CDH2: variants seen among roughly 807,000 people sequenced by gnomAD.
CDH2 encodes cadherin 2, also known as cadherin-2.
CDH2 carries 17 observed loss-of-function variants against 92.0 expected under a neutral mutation model. The ratio of observed to expected loss-of-function variants is 0.18; its 90% CI spans 0.13 to 0.28. CDH2 has a LOEUF of 0.28. Among genes scored for constraint, CDH2 ranks in the 10% least tolerant of loss-of-function variants. The pLI, the probability that CDH2 is intolerant of heterozygous loss-of-function variation, is 1.00. For synonymous variants in CDH2, 419 were observed against 415.9 expected (o/e 1.01, Z -0.09); for missense variants, 862 against 1,133.1 (o/e 0.76, Z 3.44).
At chr18:28,036,566 T>TC in intron 2 of CDH2, 4 of 1,568,806 alleles carry the variant, frequency 2.5e-6, no homozygotes, top group Non-Finnish European at 3.5e-6. Context: ...AGTTTCCATT[T>TC]CCCATAATTC....
At chr18:28,161,808 C>T (rs2016310576) in intron 1 of CDH2, among the ~76,000 whole-genome samples, 1 of 152,118 alleles carries the variant, frequency 6.6e-6, no homozygotes. Context: ...GGGAGCTGCA[C>T]TAGTAATAAC....
chr18:28,043,890 ATTTTTTTTT>A (rs67532914), intron 2 of CDH2, among the ~76,000 whole-genome samples: 7 of 91,452 alleles, frequency 7.7e-5, no homozygotes, highest in African/African-American at 1.6e-4. Flanking sequence ...AGAATCTCGG[ATTTTTTTTT>A]TTTTTTTTTT....
intron 14 of CDH2, among the ~76,000 whole-genome samples, chr18:27,979,197 A>T (rs1014563152): frequency 2.0e-5 from 3 of 152,196 alleles, no homozygotes; most frequent in Non-Finnish European, 4.4e-5. Flanking sequence ...AGAAAAGTAG[A>T]CAAACAGGCT....
At chr18:28,024,642 AT>A (rs2013501565) in intron 2 of CDH2, among the ~76,000 whole-genome samples, 1 of 151,680 alleles carries the variant, frequency 6.6e-6, no homozygotes, top group African/African-American at 2.4e-5. Flanking sequence ...ACCAAAATAT[AT>A]TTTGAAAACC....
chr18:28,019,820 C>A (rs569984228), intron 2 of CDH2, among the ~76,000 whole-genome samples: 3 of 152,178 alleles, frequency 2.0e-5, no homozygotes, highest in African/African-American at 7.2e-5. Flanking sequence ...ATTATTCAGG[C>A]TCTATGGAAT....
At chr18:28,005,394 G>C (rs553736660) in intron 6 of CDH2, among the ~76,000 whole-genome samples, 9 of 152,226 alleles carry the variant, frequency 5.9e-5, no homozygotes, top group African/African-American at 2.2e-4. Context: ...CCATGCTTTC[G>C]CTATGACTTC....
intron 2 of CDH2, among the ~76,000 whole-genome samples, chr18:28,094,666 C>T (rs17536118): frequency 0.015 from 2,178 of 149,588 alleles, 51 homozygotes; most frequent in African/African-American, 0.051. Flanking sequence ...TGGTGGCGGG[C>T]GCCTGTAGTC....
At chr18:28,037,894 C>T (rs1218894401) in intron 2 of CDH2, among the ~76,000 whole-genome samples, 1 of 151,950 alleles carries the variant, frequency 6.6e-6, no homozygotes, top group Non-Finnish European at 1.5e-5. Flanking sequence ...GAACAGGAAT[C>T]TCAAAAGAAG....
At chr18:28,117,527 G>A (rs1390418305) in intron 2 of CDH2, among the ~76,000 whole-genome samples, 1 of 152,046 alleles carries the variant, frequency 6.6e-6, no homozygotes, top group Non-Finnish European at 1.5e-5. Flanking sequence ...CCAGAGCCTA[G>A]GATCACTAGG....
Position 27,963,420 on chromosome 18 carries a change from C to A in CDH2, c.2451G>T (p.Glu817Asp). 1 of 1,614,068 alleles carries A rather than the reference C, an allele frequency of 6.2e-7. No individual in the cohort carries two copies. The highest frequency in any genetic ancestry group is 8.5e-7 in the Non-Finnish European group (1 of 1,180,026). The change falls in exon 15 of 16, where the codon GAG becomes GAT. Residue 817 changes from glutamate to aspartate, a missense_variant. Around this residue, in one of 5 missense-constraint regions of CDH2, gnomAD observed 114 missense variants for 144.8 expected, o/e 0.79. Coordinates refer to ENST00000269141, the MANE Select transcript of CDH2 (RefSeq NM_001792.5). ...CTGCAGATCGGACCGGATACTGGGG[C>A]TCGGCGTGGATGGGTCTTTCATCCA... ...RRMDERPIHA[E>D]PQYPVRSAAP...
chr18:27,976,669 A>G (rs2011841698), intron 14 of CDH2, among the ~76,000 whole-genome samples: 1 of 152,352 alleles, frequency 6.6e-6, no homozygotes, highest in East Asian at 1.9e-4. Flanking sequence ...GTATATTTCA[A>G]TAACGAAATA....
chr18:28,013,965 A>G, intron 2 of CDH2, 56 bp from the exon 3 acceptor site: 1 of 1,276,488 alleles, frequency 7.8e-7, no homozygotes. Flanking sequence ...AGGCAAAAAA[A>G]AACCCCTAAT....
At chr18:28,157,840 C>T (rs1008115980) in intron 1 of CDH2, among the ~76,000 whole-genome samples, 1 of 152,026 alleles carries the variant, frequency 6.6e-6, no homozygotes, top group Non-Finnish European at 1.5e-5. Flanking sequence ...TGTTTTAAGT[C>T]CTCCAAATCA....
intron 2 of CDH2, among the ~76,000 whole-genome samples, chr18:28,118,051 T>C (rs2015524919): frequency 6.6e-6 from 1 of 151,702 alleles, no homozygotes; most frequent in African/African-American, 2.4e-5. Flanking sequence ...TTATCTACCC[T>C]CCCATCAAGT....
chr18:28,041,738 G>GA (rs756903844), intron 2 of CDH2, among the ~76,000 whole-genome samples: 1 of 152,150 alleles, frequency 6.6e-6, no homozygotes. Context: ...ATTCTTAGAG[G>GA]ACTTATGTTC....
intron 7 of CDH2, among the ~76,000 whole-genome samples, chr18:27,994,854 A>G (rs375717912): frequency 2.6e-5 from 4 of 152,132 alleles, no homozygotes; most frequent in Admixed American, 6.5e-5. Flanking sequence ...CTGTCTGTCC[A>G]CCCAAATGCC....
At chr18:28,132,627 A>C (rs1453189060) in intron 2 of CDH2, among the ~76,000 whole-genome samples, 1 of 152,160 alleles carries the variant, frequency 6.6e-6, no homozygotes, top group Non-Finnish European at 1.5e-5. Context: ...CATCCCTAGA[A>C]CCAGAGGTGG....
At chr18:28,117,102 ATGC>A (rs2015507463) in intron 2 of CDH2, among the ~76,000 whole-genome samples, 1 of 152,062 alleles carries the variant, frequency 6.6e-6, no homozygotes, top group Non-Finnish European at 1.5e-5. Flanking sequence ...ACTGATTTTT[ATGC>A]TGCTATTTAA....
Position 27,998,298 on chromosome 18 carries a change from C to T in CDH2, c.1021-4661G>A, listed in dbSNP as rs187899596. Among the ~76,000 whole-genome samples, 20 of 152,332 alleles carry T rather than the reference C, an allele frequency of 1.3e-4. No individual in the cohort carries two copies. The East Asian group carries it at 1.4e-3, about 10-fold the overall frequency. On this transcript the variant is annotated intron_variant, in intron 7 of 15. Transcript: ENST00000269141. Reference sequence around the variant, plus strand: ...TGAGCACTATGTGCCCAGCACAGTGCTATGCACTATGCATTATTTCAGTTA... The same window carrying T: ...TGAGCACTATGTGCCCAGCACAGTGTTATGCACTATGCATTATTTCAGTTA...
Sources: allele counts gnomAD v4.1 joint callset (sites outside exome capture counted in the v4.1 genomes callset), GRCh38; gene constraint gnomAD v4.1.1; regional missense constraint gnomAD v4.1.1; transcripts MANE v1.5; gene names NCBI Gene and HGNC (gene_info 2026-07-23, HGNC 2026-07-21).